The following KLLN variants were observed in gnomAD, a reference collection of about 807,000 sequenced individuals.
KLLN encodes the protein killin, p53 regulated DNA replication inhibitor.
For missense variants in KLLN, 340 were observed against 241.3 expected (o/e 1.41, Z -2.71); for synonymous variants, 142 against 102.2 (o/e 1.39, Z -2.35).
At position 87,862,291 on chromosome 10, in the gene KLLN, C is replaced by A. The variant is rs780478359; in HGVS notation, c.197G>T (p.Arg66Leu). The A allele has an allele frequency of 1.3e-6, 2 of 1,551,758 alleles. No homozygotes were observed. The highest frequency in any genetic ancestry group is 1.7e-4 in the Middle Eastern group (1 of 5,992). The change falls in exon 1 of 1, where the codon CGT (arginine) becomes CTT (leucine). Residue 66 changes from arginine to leucine, a missense_variant. Coordinates refer to ENST00000445946, the MANE Select transcript of KLLN (RefSeq NM_001126049.2). ...GGAAAGTTCCCCAACTAGGGACACA[C>A]GTGACCTCCTTCGGAAAGTAGTTCC... is the stretch of plus-strand genomic sequence containing the variant. The part of the protein sequence containing the change: ...TVGTTFRRRS[R>L]VSLVGELSKF...
Position 87,860,017 on chromosome 10 carries a change from A to T in KLLN, c.*1934T>A, listed in dbSNP as rs1282364504. The T allele has an allele frequency of 7.2e-6, 1 of 138,262 alleles. No homozygotes were observed. Among genetic ancestry groups the T allele is most frequent in the Non-Finnish European group, 1.5e-5 (1 of 66,024 alleles). The allele number at this position is 138,262 out of a possible 1,614,324, so 8.6% of individuals were successfully genotyped here. A position where few individuals can be genotyped will look rare whatever the true frequency, so the allele number is the denominator to read the frequency against. The stretch of plus-strand genomic sequence containing the variant: ...CTCCAGCCTGTGAGACTCCGTCTCA[A>T]AAAAAAAAAAAAAAAAAGAAAAAAA... On this transcript the variant is annotated 3_prime_UTR_variant, in exon 1 of 1. Transcript: ENST00000445946.
At position 87,860,463 on chromosome 10, in the gene KLLN, G is replaced by A. The variant is rs1020863504; in HGVS notation, c.*1488C>T. ...GCTGGTCTCATATTCTAGCACTTTA[G>A]TGCTGGTGATGCAGATTATCTCTGC... On this transcript the variant is annotated 3_prime_UTR_variant, in exon 1 of 1. Transcript: ENST00000445946. The A allele has an allele frequency of 2.0e-5, 3 of 152,268 alleles. No homozygotes were observed. Among genetic ancestry groups the A allele is most frequent in the Non-Finnish European group, 4.4e-5 (3 of 68,056 alleles). The allele number at this position is 152,268 out of a possible 1,614,324, so 9.4% of individuals were successfully genotyped here. A position where few individuals can be genotyped will look rare whatever the true frequency, so the allele number is the denominator to read the frequency against.
rs1263549650 is a variant in KLLN, at chr10:87,861,180, C to G, written c.*771G>C. On this transcript the variant is annotated 3_prime_UTR_variant, in exon 1 of 1. Coordinates refer to ENST00000445946, the MANE Select transcript of KLLN (RefSeq NM_001126049.2). ...ATATCCCAGGTTTAATTAGTAGTCC[C>G]GGAGTTAGGTAATGGCCTGTGGCTT... 1 of 152,216 alleles carries G rather than the reference C, an allele frequency of 6.6e-6. No individual in the cohort carries two copies. The highest frequency in any genetic ancestry group is 1.5e-5 in the Non-Finnish European group (1 of 68,064). The allele number at this position is 152,216 out of a possible 1,614,324, so 9.4% of individuals were successfully genotyped here. A position where few individuals can be genotyped will look rare whatever the true frequency, so the allele number is the denominator to read the frequency against.
At position 87,860,020 on chromosome 10, in the gene KLLN, AAAAAAAAAAAAAAAG is replaced by A. The variant is rs1424491150; in HGVS notation, c.*1916_*1930del. On this transcript the variant is annotated 3_prime_UTR_variant, in exon 1 of 1. Coordinates refer to ENST00000445946, the MANE Select transcript of KLLN (RefSeq NM_001126049.2). ...CAGCCTGTGAGACTCCGTCTCAAAA[AAAAAAAAAAAAAAAG>A]AAAAAAAAAAAAAGAACTGAAGTGC... 1.0e-3 allele frequency: 149 copies of A among 149,424 alleles called. No homozygotes were observed. The highest frequency in any genetic ancestry group is 3.5e-3 in the African/African-American group (143 of 40,372). 9.3% of individuals were successfully genotyped at this position (149,424 alleles called of 1,614,324 possible). A position where few individuals can be genotyped will look rare whatever the true frequency, so the allele number is the denominator to read the frequency against.
At position 87,863,443 on chromosome 10, in the gene KLLN, C is replaced by A. The variant is rs34149102; in HGVS notation, c.-956G>T. 7.7e-3 allele frequency: 2,884 copies of A among 375,710 alleles called. 17 individuals carry two copies. The highest frequency in any genetic ancestry group is 0.012 in the Middle Eastern group (17 of 1,468). The allele number at this position is 375,710 out of a possible 1,614,324, so 23.3% of individuals were successfully genotyped here. ...CGCCCCCTGCCCTGCCCTGCCCTCC[C>A]CTCGCCCGGCGCGGTCCCGTCCGCC... On this transcript the variant is annotated 5_prime_UTR_variant, in exon 1 of 1. Transcript: ENST00000445946.
rs547925835 is a variant in KLLN at position 87,862,242 on chromosome 10, G to A, written c.246C>T (p.Ser82=). 1 of 1,551,736 alleles carries A rather than the reference G, an allele frequency of 6.4e-7. No individual in the cohort carries two copies. Among genetic ancestry groups the A allele is most frequent in the Non-Finnish European group, 8.7e-7 (1 of 1,147,004 alleles). The change falls in exon 1 of 1, where the codon AGC becomes AGT. Residue 82 remains serine (S), a synonymous_variant. Coordinates refer to ENST00000445946, the MANE Select transcript of KLLN (RefSeq NM_001126049.2). ...ELSKFPLPSD[S]SGGKSSSSFA... ...AGGAAGAAGACGACTTGCCTCCGGA[G>A]CTATCACTGGGGAGTGGGAATTTGG...
chr10:87,862,124 C>A, the KLLN span: 1 of 1,547,940 alleles, frequency 6.5e-7, no homozygotes, highest in South Asian at 1.2e-5. Flanking sequence ...CGACAGCGCT[C>A]CTTCGGGAGG....
At position 87,861,834 on chromosome 10, in the gene KLLN, C is replaced by T; in HGVS notation, c.*117G>A. 2 of 976,126 alleles carry T rather than the reference C, an allele frequency of 2.0e-6. No individual in the cohort carries two copies. The highest frequency in any genetic ancestry group is 3.0e-6 in the Non-Finnish European group (2 of 676,558). 60.5% of individuals were successfully genotyped at this position (976,126 alleles called of 1,614,324 possible). A position where few individuals can be genotyped will look rare whatever the true frequency, so the allele number is the denominator to read the frequency against. On this transcript the variant is annotated 3_prime_UTR_variant, in exon 1 of 1. Transcript: ENST00000445946. Reference sequence around the variant, plus strand: ...AAGCACAGAACCAAAAGGGTTCACCCTAAGCGGCAGGGCATCAGCGATGGA... The same window carrying T: ...AAGCACAGAACCAAAAGGGTTCACCTTAAGCGGCAGGGCATCAGCGATGGA...
rs780317820 is a variant in KLLN at position 87,862,512 on chromosome 10, A to AG, written c.-26dup. On this transcript the variant is annotated 5_prime_UTR_variant, in exon 1 of 1. Coordinates refer to ENST00000445946, the MANE Select transcript of KLLN (RefSeq NM_001126049.2). ...TCCTGCCGGGTTTTCACGGCGGCCA[A>AG]GGGGGGGCGGGGCTAGGTGGTCTCT... 3.3e-5 allele frequency: 50 copies of AG among 1,530,618 alleles called. No homozygotes were observed. Among genetic ancestry groups the AG allele is most frequent in the Middle Eastern group, 1.7e-4 (1 of 5,884 alleles). 94.8% of individuals were successfully genotyped at this position (1,530,618 alleles called of 1,614,324 possible). A position where few individuals can be genotyped will look rare whatever the true frequency, so the allele number is the denominator to read the frequency against.
the KLLN span, chr10:87,862,210 C>CGAGCAAAGGAAGAAGACGACTTGCCTCCG: frequency 1.3e-6 from 2 of 1,551,664 alleles, no homozygotes; most frequent in Non-Finnish European, 1.7e-6. Flanking sequence ...AAGAGCACCC[C>CGAGCAAAGGAAGAAGACGACTTGCCTCCG]GAGCAAAGGA....
At chr10:87,862,330 GT>G in the KLLN span, 106 of 1,551,618 alleles carry the variant, frequency 6.8e-5, no homozygotes, top group Non-Finnish European at 9.1e-5. Context: ...TGTGGCCCGT[GT>G]ATCCTTCCAC....
Position 87,863,352 on chromosome 10 carries a change from T to C in KLLN, c.-865A>G. ...CCCCAGGCAGCTACACTGGGCATGC[T>C]CAGTAGAGCCTGCGGCTTGGGGACT... On this transcript the variant is annotated 5_prime_UTR_variant, in exon 1 of 1. Transcript: ENST00000445946. The C allele has an allele frequency of 3.1e-6, 1 of 318,618 alleles. No individual in the cohort carries two copies. Among genetic ancestry groups the C allele is most frequent in the Non-Finnish European group, 6.0e-6 (1 of 166,538 alleles). 19.7% of individuals were successfully genotyped at this position (318,618 alleles called of 1,614,324 possible). A position where few individuals can be genotyped will look rare whatever the true frequency, so the allele number is the denominator to read the frequency against.
rs946740737 is a variant in KLLN at position 87,862,383 on chromosome 10, G to C, written c.105C>G (p.Ser35Arg). The C allele has an allele frequency of 6.4e-7, 1 of 1,551,336 alleles. No individual in the cohort carries two copies. The highest frequency in any genetic ancestry group is 1.4e-5 in the African/African-American group (1 of 72,964). ...CTAGGTCTCCTCGCCCCGCCCACTC[G>C]CTGGGCTGCAGCTTCCTACCGTTCC... is the stretch of plus-strand genomic sequence containing the variant. The part of the protein sequence containing the change: ...KVRNGRKLQP[S>R]EWAGRGDLGG... The change falls in exon 1 of 1, where the codon AGC becomes AGG. Residue 35 changes from serine (S) to arginine (R), a missense_variant. Ser to Arg is a moderately radical substitution (Grantham distance 110, BLOSUM62 -1). Transcript: ENST00000445946.
At position 87,862,651 on chromosome 10, in the gene KLLN, C is replaced by T. The variant is rs1192930135; in HGVS notation, c.-164G>A. On this transcript the variant is annotated 5_prime_UTR_variant, in exon 1 of 1. Coordinates refer to ENST00000445946, the MANE Select transcript of KLLN (RefSeq NM_001126049.2). ...CAGGAGAGGCCTGCGGGGTGCGTCC[C>T]ACTCACAGGGATCCTCTTTCAGTTC... 3 of 633,896 alleles carry T rather than the reference C, an allele frequency of 4.7e-6. No individual in the cohort carries two copies. Among genetic ancestry groups the T allele is most frequent in the South Asian group, 2.0e-5 (1 of 50,200 alleles). 39.3% of individuals were successfully genotyped at this position (633,896 alleles called of 1,614,324 possible).
At position 87,862,191 on chromosome 10, in the gene KLLN, G is replaced by C. The variant is rs542841708; in HGVS notation, c.297C>G (p.Cys99Trp). The change falls in exon 1 of 1, where the codon TGC (cysteine) becomes TGG (tryptophan). Residue 99 changes from cysteine (C) to tryptophan (W), a missense_variant. Physicochemically the swap from Cys to Trp is radical, Grantham distance 215. Transcript: ENST00000445946. ...AGGAAGGGTTGGGGTTCCGCTGCCT[G>C]CACCAGGCAAGAGCACCCCGAGCAA... is the stretch of plus-strand genomic sequence containing the variant. The part of the protein sequence containing the change: ...SSFARGALAW[C>W]RQRNPNPSCA... 1.4e-4 allele frequency: 219 copies of C among 1,551,502 alleles called. 1 individual carries two copies. The highest frequency in any genetic ancestry group is 1.8e-4 in the Non-Finnish European group (204 of 1,146,990).
In KLLN at chr10:87,862,063, C is replaced by T; in HGVS notation, c.425G>A (p.Cys142Tyr). Residue 142 changes from cysteine to tyrosine, a missense_variant, in exon 1 of 1, where the codon TGC (cysteine) becomes TAC (tyrosine). By Grantham distance (194) the Cys-to-Tyr change is radical. Coordinates refer to ENST00000445946, the MANE Select transcript of KLLN (RefSeq NM_001126049.2). ...CAGCCAGCAGGCGGGGAGGCGGGGGCACGTGTTTGGATGTGGGTGCTTGTG... is the reference window on the plus strand; with the variant it reads ...CAGCCAGCAGGCGGGGAGGCGGGGGTACGTGTTTGGATGTGGGTGCTTGTG... The part of the protein sequence containing the change: ...WLHKHPHPNT[C>Y]PRLPACWLPP... 1.3e-6 allele frequency: 2 copies of T among 1,499,080 alleles called. No homozygotes were observed. Among genetic ancestry groups the T allele is most frequent in the Non-Finnish European group, 1.8e-6 (2 of 1,120,806 alleles). 92.9% of individuals were successfully genotyped at this position (1,499,080 alleles called of 1,614,324 possible).
Position 87,862,314 on chromosome 10 carries a change from T to A in KLLN, c.174A>T (p.Gly58=), listed in dbSNP as rs1444893468. Residue 58 remains glycine (G), a synonymous_variant, in exon 1 of 1, where the codon GGA becomes GGT. Coordinates refer to ENST00000445946, the MANE Select transcript of KLLN (RefSeq NM_001126049.2). ...CACGTGACCTCCTTCGGAAAGTAGT[T>A]CCGACTGTGGCCCGTGTATCCTTCC... ...RRWKDTRATV[G]TTFRRRSRVS... The A allele has an allele frequency of 6.4e-7, 1 of 1,551,596 alleles. No individual in the cohort carries two copies. Among genetic ancestry groups the A allele is most frequent in the African/African-American group, 1.4e-5 (1 of 73,042 alleles).
In KLLN at chr10:87,862,927, T is replaced by TA; in HGVS notation, c.-441dup. 5.0e-6 allele frequency: 1 copy of TA among 201,452 alleles called. No individual in the cohort carries two copies. The highest frequency in any genetic ancestry group is 1.1e-5 in the Non-Finnish European group (1 of 88,304). The allele number at this position is 201,452 out of a possible 1,614,324, so 12.5% of individuals were successfully genotyped here. A position where few individuals can be genotyped will look rare whatever the true frequency, so the allele number is the denominator to read the frequency against. ...GGGGGAATCTCTAGGCAAAGGCTGT[T>TA]ACAGTCAAATCTCTGCGAACGATTG... On this transcript the variant is annotated 5_prime_UTR_variant, in exon 1 of 1. It removes the in-frame stop codon of an upstream open reading frame in the 5' UTR. Transcript: ENST00000445946.
rs1858303939 is a variant in KLLN, at chr10:87,862,817, G to A, written c.-330C>T. ...AGAGGTGGGGCGCTGCAAGGGAGCCGGATGAGGTGATACACGCTGGCGACA... is the reference window on the plus strand; with the variant it reads ...AGAGGTGGGGCGCTGCAAGGGAGCCAGATGAGGTGATACACGCTGGCGACA... On this transcript the variant is annotated 5_prime_UTR_variant, in exon 1 of 1. Coordinates refer to ENST00000445946, the MANE Select transcript of KLLN (RefSeq NM_001126049.2). 1 of 422,294 alleles carries A rather than the reference G, an allele frequency of 2.4e-6. No individual in the cohort carries two copies. Among genetic ancestry groups the A allele is most frequent in the Non-Finnish European group, 4.5e-6 (1 of 222,562 alleles). The allele number at this position is 422,294 out of a possible 1,614,324, so 26.2% of individuals were successfully genotyped here.
Sources: allele counts gnomAD v4.1 joint callset, GRCh38; gene constraint gnomAD v4.1.1; transcripts MANE v1.5; gene names NCBI Gene and HGNC (gene_info 2026-07-23, HGNC 2026-07-21).